Variants in PDE4D observed in about 807,000 individuals in gnomAD.
PDE4D encodes phosphodiesterase 4D.
In PDE4D, 24 loss-of-function variants were observed where a neutral mutation model predicts 87.4. The ratio of observed to expected loss-of-function variants is 0.27; its 90% CI spans 0.20 to 0.39. The LOEUF is 0.39. PDE4D is among the 10% of genes least tolerant of loss of function. The pLI is 1.00. For missense variants in PDE4D, 714 were observed against 1,041.0 expected (o/e 0.69, Z 4.32); for synonymous variants, 384 against 383.2 (o/e 1.00, Z -0.02).
At chr5:60,360,984 A>G (rs756028683) in intron 1 of PDE4D, among the ~76,000 whole-genome samples, 1 of 152,206 alleles carries the variant, frequency 6.6e-6, no homozygotes, top group Non-Finnish European at 1.5e-5. Flanking sequence ...CATTATGAAC[A>G]TCACTATCGC....
chr5:59,903,626 A>G (rs1433982786), intron 3 of PDE4D, among the ~76,000 whole-genome samples: 3 of 152,184 alleles, frequency 2.0e-5, no homozygotes, highest in African/African-American at 4.8e-5. Flanking sequence ...ACTATGAACC[A>G]GGCATTATTT....
At chr5:59,408,458 TCTA>T (rs1395840470) in intron 1 of PDE4D, among the ~76,000 whole-genome samples, 1 of 152,136 alleles carries the variant, frequency 6.6e-6, no homozygotes, top group Non-Finnish European at 1.5e-5. Context: ...ACAGAAAACC[TCTA>T]CTAAGGTAGT....
intron 5 of PDE4D, chr5:59,157,426 T>A (rs1273825605): frequency 1.4e-6 from 1 of 700,176 alleles, no homozygotes; most frequent in Non-Finnish European, 2.6e-6. Flanking sequence ...GTGCTGTGGT[T>A]ACTGGGATAA....
intron 1 of PDE4D, among the ~76,000 whole-genome samples, chr5:59,239,195 C>T (rs1394479218): frequency 6.6e-6 from 1 of 152,182 alleles, no homozygotes; most frequent in East Asian, 1.9e-4. Context: ...TAGAACTATG[C>T]CTTCTCCTGA....
intron 2 of PDE4D, among the ~76,000 whole-genome samples, chr5:60,048,503 C>T (rs1394228090): frequency 6.6e-6 from 1 of 151,924 alleles, no homozygotes; most frequent in African/African-American, 2.4e-5. Context: ...GTGGCTGGTA[C>T]CATTTGTTCC....
chr5:59,681,600 T>C (rs781423195), intron 1 of PDE4D, among the ~76,000 whole-genome samples: 8 of 152,042 alleles, frequency 5.3e-5, no homozygotes, highest in Non-Finnish European at 8.8e-5. Flanking sequence ...AGTAGGTTCC[T>C]TATAAAAGAA....
chr5:59,926,749 A>T (rs1291845771), intron 3 of PDE4D, among the ~76,000 whole-genome samples: 1 of 152,178 alleles, frequency 6.6e-6, no homozygotes, highest in Non-Finnish European at 1.5e-5. Context: ...ATAAGCAACT[A>T]CATGGCAGTA....
At chr5:59,113,822 C>T (rs1009372853) in intron 5 of PDE4D, among the ~76,000 whole-genome samples, 2 of 152,140 alleles carry the variant, frequency 1.3e-5, no homozygotes, top group Non-Finnish European at 2.9e-5. Context: ...ATAATGTATC[C>T]AATCTCACAG....
chr5:59,121,073 TA>T (rs1774417911), intron 5 of PDE4D, among the ~76,000 whole-genome samples: 1 of 152,160 alleles, frequency 6.6e-6, no homozygotes, highest in Non-Finnish European at 1.5e-5. Context: ...CAAGATGGAT[TA>T]AAGACTTAAA....
intron 1 of PDE4D, among the ~76,000 whole-genome samples, chr5:59,626,087 C>CA (rs1348668609): frequency 2.0e-5 from 3 of 151,770 alleles, no homozygotes; most frequent in Non-Finnish European, 2.9e-5. Flanking sequence ...GACTCCGTCT[C>CA]AAAAAAACAA....
At chr5:59,694,500 A>G (rs1003993470) in intron 1 of PDE4D, among the ~76,000 whole-genome samples, 2 of 152,204 alleles carry the variant, frequency 1.3e-5, no homozygotes, top group Admixed American at 1.3e-4. Context: ...ATTAAATGTA[A>G]ATTACACGGT....
chr5:60,295,810 T>G (rs577987046), intron 1 of PDE4D, among the ~76,000 whole-genome samples: 1 of 152,214 alleles, frequency 6.6e-6, no homozygotes. Context: ...GGTTCACCTA[T>G]GTCTTTAGAT....
intron 1 of PDE4D, among the ~76,000 whole-genome samples, chr5:60,417,133 CTGAT>C (rs1035600977): frequency 3.1e-4 from 47 of 152,328 alleles, no homozygotes; most frequent in African/African-American, 8.9e-4. Flanking sequence ...ATTTTAAAAA[CTGAT>C]TGACAGCAAT....
rs1744234527 is a variant in PDE4D at position 59,191,288 on chromosome 5, A to G, written c.684+2212T>C. Among the ~76,000 whole-genome samples the G allele has an allele frequency of 1.3e-5, 2 of 152,116 alleles. 1 individual carries two copies. Among genetic ancestry groups the G allele is most frequent in the South Asian group, 4.1e-4 (2 of 4,826 alleles). The stretch of plus-strand genomic sequence containing the variant: ...TTAAGAGCACTGATGGCAGGGTTCA[A>G]GTCCAATTTACTAATCTATTTGTTG... On this transcript the variant is annotated intron_variant, in intron 3 of 14. Transcript: ENST00000340635.
chr5:59,944,186 T>G (rs1267632238), intron 3 of PDE4D, among the ~76,000 whole-genome samples: 1 of 152,228 alleles, frequency 6.6e-6, no homozygotes, highest in Non-Finnish European at 1.5e-5. Context: ...ATGTGTCTGC[T>G]TTGTTGCTTT....
chr5:59,335,563 TAAGACCAACTTA>T (rs1777516933), intron 1 of PDE4D, among the ~76,000 whole-genome samples: 1 of 152,228 alleles, frequency 6.6e-6, no homozygotes. Context: ...TTTACCCATT[TAAGACCAACTTA>T]AAGGCAAAAA....
chr5:59,027,667 C>CTTCA (rs1157533117), intron 6 of PDE4D, among the ~76,000 whole-genome samples: 46 of 152,232 alleles, frequency 3.0e-4, no homozygotes, highest in Non-Finnish European at 1.0e-4. Context: ...TCTTGCAACT[C>CTTCA]TTCAGTATAT....
At chr5:59,326,740 G>A (rs1292708091) in intron 1 of PDE4D, among the ~76,000 whole-genome samples, 2 of 151,730 alleles carry the variant, frequency 1.3e-5, no homozygotes, top group Non-Finnish European at 2.9e-5. Flanking sequence ...ATGAAAAAAA[G>A]CATATTATTT....
At chr5:60,460,682 G>T in intron 1 of PDE4D, 1 of 1,013,620 alleles carries the variant, frequency 9.9e-7, no homozygotes, top group Non-Finnish European at 1.5e-6. Flanking sequence ...CCCAGAGCAG[G>T]AGGCATTCTT....
Sources: allele counts gnomAD v4.1 joint callset (sites outside exome capture counted in the v4.1 genomes callset), GRCh38; gene constraint gnomAD v4.1.1; transcripts MANE v1.5; gene names NCBI Gene and HGNC (gene_info 2026-07-23, HGNC 2026-07-21).